TAFA2: variants seen among roughly 807,000 people sequenced by gnomAD.
The protein encoded by TAFA2 is chemokine-like protein TAFA-2.
TAFA2 carries 7 observed loss-of-function variants against 18.8 expected under a neutral mutation model. The ratio of observed to expected loss-of-function variants is 0.37; its 90% CI spans 0.21 to 0.70. TAFA2 has a LOEUF of 0.70. Ranked by LOEUF, TAFA2 falls within the 30% of genes least tolerant of loss-of-function variation. The pLI, the probability that TAFA2 is intolerant of heterozygous loss-of-function variation, is 0.53. For synonymous variants in TAFA2, 60 were observed against 54.2 expected, an observed-to-expected ratio of 1.11 and a Z score of -0.47; for missense variants, 122 against 158.1, an observed-to-expected ratio of 0.77 and a Z score of 1.23.
chr12:61,737,821 G>C (rs1868329217), intron 4 of TAFA2, among the ~76,000 whole-genome samples: 1 of 151,742 alleles, frequency 6.6e-6, no homozygotes, highest in African/African-American at 2.4e-5. Context: ...TAATAAATAA[G>C]GCAGTAAGCA....
At chr12:61,740,960 G>T (rs973323674) in intron 4 of TAFA2, among the ~76,000 whole-genome samples, 1 of 151,482 alleles carries the variant, frequency 6.6e-6, no homozygotes, top group Non-Finnish European at 1.5e-5. Flanking sequence ...ATAATAAATA[G>T]AATTCTATGG....
At chr12:62,100,797 A>G (rs2136848982) in intron 1 of TAFA2, among the ~76,000 whole-genome samples, 1 of 152,326 alleles carries the variant, frequency 6.6e-6, no homozygotes, top group South Asian at 2.1e-4. Flanking sequence ...AGTTATATGG[A>G]CTACTAGGTG....
chr12:62,108,348 G>T (rs1016192518), intron 1 of TAFA2, among the ~76,000 whole-genome samples: 9 of 152,156 alleles, frequency 5.9e-5, no homozygotes, highest in African/African-American at 1.7e-4. Context: ...AGAATTCCAT[G>T]GTGTATATGT....
chr12:62,151,568 C>G, intron 1 of TAFA2, among the ~76,000 whole-genome samples: 1 of 152,266 alleles, frequency 6.6e-6, no homozygotes, highest in South Asian at 2.1e-4. Context: ...TACTTTATGA[C>G]GAGACTTTAG....
At chr12:62,081,827 G>A (rs1868330048) in intron 1 of TAFA2, among the ~76,000 whole-genome samples, 3 of 152,082 alleles carry the variant, frequency 2.0e-5, no homozygotes, top group Admixed American at 2.0e-4. Context: ...TGTGCAGGAT[G>A]TGCAGGTTTG....
At chr12:62,234,371 C>T (rs1057160944) in intron 1 of TAFA2, 17 of 628,324 alleles carry the variant, frequency 2.7e-5, no homozygotes, top group Non-Finnish European at 5.2e-5. Context: ...GCCTAGAATC[C>T]TCTTCCTTCA....
At chr12:61,731,333 C>T (rs1048603238) in intron 4 of TAFA2, among the ~76,000 whole-genome samples, 1 of 152,038 alleles carries the variant, frequency 6.6e-6, no homozygotes, top group African/African-American at 2.4e-5. Context: ...CTGGTACGTT[C>T]CTGTGGTGGT....
At chr12:61,809,039 T>G (rs1871747963) in intron 2 of TAFA2, among the ~76,000 whole-genome samples, 1 of 151,584 alleles carries the variant, frequency 6.6e-6, no homozygotes, top group African/African-American at 2.4e-5. Context: ...AGTCTAGAAA[T>G]AGATGAGTCA....
At chr12:62,108,176 C>T (rs1410277911) in intron 1 of TAFA2, among the ~76,000 whole-genome samples, 3 of 152,040 alleles carry the variant, frequency 2.0e-5, no homozygotes, top group Non-Finnish European at 4.4e-5. Flanking sequence ...TGTGATGTTC[C>T]CCTCCCTGTA....
intron 1 of TAFA2, among the ~76,000 whole-genome samples, chr12:61,941,803 T>C (rs866457751): frequency 4.6e-5 from 7 of 151,992 alleles, no homozygotes; most frequent in East Asian, 1.9e-4. Flanking sequence ...GAGGGTCCTA[T>C]GCCCACGGAA....
chr12:62,057,363 T>C (rs958830285), intron 1 of TAFA2, among the ~76,000 whole-genome samples: 1 of 152,118 alleles, frequency 6.6e-6, no homozygotes, highest in African/African-American at 2.4e-5. Context: ...CTTCTTCTGA[T>C]CCATCTCACA....
At chr12:62,081,150 G>A (rs757253414) in intron 1 of TAFA2, among the ~76,000 whole-genome samples, 2 of 152,042 alleles carry the variant, frequency 1.3e-5, no homozygotes, top group Admixed American at 6.5e-5. Context: ...AACCGAGATC[G>A]CGCCACTGCA....
intron 1 of TAFA2, among the ~76,000 whole-genome samples, chr12:62,146,604 C>T (rs188728602): frequency 1.6e-4 from 24 of 152,256 alleles, no homozygotes; most frequent in South Asian, 2.1e-4. Flanking sequence ...CTCCCTATAA[C>T]GATGGCTCTC....
At chr12:62,195,202 ACTT>A (rs1462155916), upstream of TAFA2, among the ~76,000 whole-genome samples, 3 of 152,216 alleles carry the variant, frequency 2.0e-5, no homozygotes, top group African/African-American at 7.2e-5. Context: ...CCACAGTAGA[ACTT>A]CTTTCAAAAT....
chr12:61,806,476 T>G (rs943877640), intron 2 of TAFA2, among the ~76,000 whole-genome samples: 1 of 152,184 alleles, frequency 6.6e-6, no homozygotes, highest in Non-Finnish European at 1.5e-5. Flanking sequence ...TATGTCTTTA[T>G]CAGCAGTGTG....
At chr12:61,941,451 CA>C (rs770721670) in intron 1 of TAFA2, among the ~76,000 whole-genome samples, 4 of 152,126 alleles carry the variant, frequency 2.6e-5, no homozygotes, top group Admixed American at 6.5e-5. Context: ...GGGGAGGAGC[CA>C]AGATGGCCGA....
intron 2 of TAFA2, among the ~76,000 whole-genome samples, chr12:61,810,259 T>C (rs1871809603): frequency 6.6e-6 from 1 of 151,354 alleles, no homozygotes; most frequent in South Asian, 2.1e-4. Flanking sequence ...CTTCCTAAAA[T>C]GAGTTATACT....
At chr12:61,881,066 A>G (rs1875113885) in intron 1 of TAFA2, among the ~76,000 whole-genome samples, 1 of 152,028 alleles carries the variant, frequency 6.6e-6, no homozygotes, top group African/African-American at 2.4e-5. Context: ...TTTCCATAAT[A>G]TAAAATAGAA....
chr12:61,803,350 A>G (rs1025727905), intron 2 of TAFA2, among the ~76,000 whole-genome samples: 3 of 151,886 alleles, frequency 2.0e-5, no homozygotes, highest in African/African-American at 7.2e-5. Context: ...CATTGATGGC[A>G]ATGTTATAAA....
Sources: gnomAD v4.1 joint callset for allele counts (sites outside exome capture counted in the v4.1 genomes callset) on GRCh38, gnomAD v4.1.1 for gene constraint, MANE v1.5 for transcripts, NCBI Gene and HGNC (gene_info 2026-07-23, HGNC 2026-07-21) for gene names.